The following NEK9 variants were observed in gnomAD, a reference collection of about 807,000 sequenced individuals.
The protein encoded by NEK9 is serine/threonine-protein kinase Nek9.
Under a neutral mutation model 123.4 loss-of-function variants are expected in NEK9, and 75 were observed. The ratio of observed to expected loss-of-function variants is 0.61; its 90% CI spans 0.50 to 0.74. The LOEUF (loss-of-function observed/expected upper bound fraction) is 0.74. NEK9 is among the 30% of genes least tolerant of loss of function. The pLI is 0.00. For synonymous variants in NEK9, 438 were observed against 458.7 expected (o/e 0.95, Z 0.58); for missense variants, 952 against 1,214.4 (o/e 0.78, Z 3.21).
chr14:75,102,580 A>G (rs866549180), intron 14 of NEK9, among the ~76,000 whole-genome samples: 2 of 151,274 alleles, frequency 1.3e-5, no homozygotes, highest in African/African-American at 4.8e-5. Flanking sequence ...TCTTGATCTC[A>G]TGACCTCGTG....
chr14:75,096,843 CA>C (rs1314573875), intron 17 of NEK9: 2 of 329,176 alleles, frequency 6.1e-6, no homozygotes, highest in East Asian at 4.7e-5. Flanking sequence ...AAAAAACAAC[CA>C]AAAAAATCAA....
intron 18 of NEK9, among the ~76,000 whole-genome samples, chr14:75,095,057 G>GAAGT (rs1317302893): frequency 2.6e-5 from 4 of 152,260 alleles, no homozygotes; most frequent in Non-Finnish European, 5.9e-5. Context: ...GAATACCGTG[G>GAAGT]AAGTAGAGGA....
In NEK9 at chr14:75,116,783, C is replaced by T. The variant is rs1315764790; in HGVS notation, c.762+412G>A. ...GAGATTTTTTTGAGACAGAGTCTTGCTCTGTTGCCCAGGCTGGAGTGCAGT... is the reference window on the plus strand; with the variant it reads ...GAGATTTTTTTGAGACAGAGTCTTGTTCTGTTGCCCAGGCTGGAGTGCAGT... On this transcript the variant is annotated intron_variant, in intron 6 of 21. Coordinates refer to ENST00000238616, the MANE Select transcript of NEK9 (RefSeq NM_033116.6). 2.6e-5 allele frequency among the ~76,000 whole-genome samples: 4 copies of T among 152,030 alleles called. No homozygotes were observed. The East Asian group carries it at 5.8e-4, about 22-fold the overall frequency.
intron 9 of NEK9, among the ~76,000 whole-genome samples, 161 bp from the exon 10 acceptor site, chr14:75,110,038 G>T (rs1449056279): frequency 6.6e-6 from 1 of 152,224 alleles, no homozygotes; most frequent in African/African-American, 2.4e-5. Flanking sequence ...AGCAGACTTT[G>T]CAATTCCTGC....
Position 75,084,523 on chromosome 14 carries a change from T to C in NEK9, c.*41A>G. 1 of 1,611,510 alleles carries C rather than the reference T, an allele frequency of 6.2e-7. No individual in the cohort carries two copies. Among genetic ancestry groups the C allele is most frequent in the South Asian group, 1.1e-5 (1 of 91,000 alleles). On this transcript the variant is annotated 3_prime_UTR_variant, in exon 22 of 22. Transcript: ENST00000238616. Reference sequence around the variant, plus strand: ...ATTCGGTAAGTGTGCTGTGAAGTTCTTTGGGTCCCAGTCTCCTGGGGGCTC... The same window carrying C: ...ATTCGGTAAGTGTGCTGTGAAGTTCCTTGGGTCCCAGTCTCCTGGGGGCTC...
intron 10 of NEK9, among the ~76,000 whole-genome samples, chr14:75,109,278 T>C (rs1256213155): frequency 6.6e-6 from 1 of 152,248 alleles, no homozygotes; most frequent in Non-Finnish European, 1.5e-5. Flanking sequence ...TGCTGTGGGC[T>C]TCAGGGGTTT....
chr14:75,113,263 CT>C, intron 8 of NEK9, 75 bp downstream of exon 8: 1 of 1,123,164 alleles, frequency 8.9e-7, no homozygotes, highest in Non-Finnish European at 1.3e-6. Flanking sequence ...ACTACTCTTT[CT>C]TTTAGTACTC....
At position 75,110,443 on chromosome 14, in the gene NEK9, C is replaced by T. The variant is rs1191964071; in HGVS notation, c.939-72G>A. On this transcript the variant is annotated intron_variant, in intron 8 of 21. Transcript: ENST00000238616. The stretch of plus-strand genomic sequence containing the variant: ...ATATTGCAAAGGTGTCTGTTTAATA[C>T]ATTTCACAGATTTAATCCTCTTATA... 20 of 1,174,338 alleles carry T rather than the reference C, an allele frequency of 1.7e-5. 1 individual carries two copies. Among genetic ancestry groups the T allele is most frequent in the Non-Finnish European group, 2.3e-5 (18 of 793,290 alleles). 72.7% of individuals were successfully genotyped at this position (1,174,338 alleles called of 1,614,324 possible).
chr14:75,115,054 T>C (rs1264087863), intron 6 of NEK9, among the ~76,000 whole-genome samples: 7 of 111,624 alleles, frequency 6.3e-5, no homozygotes, highest in African/African-American at 1.6e-4. Flanking sequence ...TGTGTACATG[T>C]ACACACACGT....
At chr14:75,106,350 C>T in intron 12 of NEK9, 152 bp downstream of exon 12, 1 of 653,194 alleles carries the variant, frequency 1.5e-6, no homozygotes, top group Admixed American at 3.4e-5. Context: ...CAGAGAGAGA[C>T]TCTGTCTCGA....
intron 8 of NEK9, among the ~76,000 whole-genome samples, chr14:75,111,040 A>C (rs1894942759): frequency 6.6e-6 from 1 of 152,130 alleles, no homozygotes; most frequent in South Asian, 2.1e-4. Flanking sequence ...TACTAATTTA[A>C]CACAGATACT....
chr14:75,121,528 A>G (rs1263708478), intron 2 of NEK9, among the ~76,000 whole-genome samples: 2 of 152,232 alleles, frequency 1.3e-5, no homozygotes, highest in African/African-American at 4.8e-5. Context: ...TATTTTTGTA[A>G]CAACTCTCCC....
At chr14:75,097,786 A>G (rs914322412) in intron 16 of NEK9, among the ~76,000 whole-genome samples, 2 of 152,210 alleles carry the variant, frequency 1.3e-5, no homozygotes, top group Non-Finnish European at 2.9e-5. Flanking sequence ...AGGAGTTCTG[A>G]CACTTGAACA....
At chr14:75,093,649 G>A (rs906796485) in intron 18 of NEK9, among the ~76,000 whole-genome samples, 1 of 152,008 alleles carries the variant, frequency 6.6e-6, no homozygotes, top group Non-Finnish European at 1.5e-5. Flanking sequence ...TAGAGACAGG[G>A]TTTCACCATG....
intron 6 of NEK9, 136 bp from the exon 7 acceptor site, chr14:75,114,449 G>A: frequency 6.0e-6 from 4 of 665,788 alleles, no homozygotes; most frequent in East Asian, 5.5e-5. Flanking sequence ...ATAACTACTA[G>A]TATGCATCAA....
intron 16 of NEK9, 92 bp downstream of exon 16, chr14:75,100,900 G>T: frequency 1.6e-6 from 2 of 1,268,792 alleles, no homozygotes; most frequent in Non-Finnish European, 2.2e-6. Context: ...CCACAATTCA[G>T]CTATACAAAT....
intron 4 of NEK9, among the ~76,000 whole-genome samples, chr14:75,119,344 G>A (rs1473351359): frequency 6.6e-6 from 1 of 152,050 alleles, no homozygotes; most frequent in Non-Finnish European, 1.5e-5. Context: ...CAAAAAAAGA[G>A]TGTTACCATT....
intron 2 of NEK9, among the ~76,000 whole-genome samples, chr14:75,122,927 T>C (rs1895389248): frequency 6.6e-6 from 1 of 151,128 alleles, no homozygotes; most frequent in African/African-American, 2.4e-5. Flanking sequence ...GCCTCCCAAG[T>C]AGCTGTGACT....
At position 75,093,922 on chromosome 14, in the gene NEK9, C is replaced by G. The variant is rs1003537350; in HGVS notation, c.2233+1450G>C. Among the ~76,000 whole-genome samples the G allele has an allele frequency of 2.6e-5, 4 of 152,196 alleles. No individual in the cohort carries two copies. The South Asian group carries it at 8.3e-4, about 32-fold the overall frequency. Reference sequence around the variant, plus strand: ...CTGAGCATTTACCATTTGCCAGGCACTGTTCTAGGGAAGTAGATAAAATTG... The same window carrying G: ...CTGAGCATTTACCATTTGCCAGGCAGTGTTCTAGGGAAGTAGATAAAATTG... On this transcript the variant is annotated intron_variant, in intron 18 of 21. Coordinates refer to ENST00000238616, the MANE Select transcript of NEK9 (RefSeq NM_033116.6).
Sources: gnomAD v4.1 joint callset for allele counts (sites outside exome capture counted in the v4.1 genomes callset) on GRCh38, gnomAD v4.1.1 for gene constraint, MANE v1.5 for transcripts, NCBI Gene and HGNC (gene_info 2026-07-23, HGNC 2026-07-21) for gene names.